ECPAS: variants seen among roughly 807,000 people sequenced by gnomAD.
ECPAS encodes Ecm29 proteasome adaptor and scaffold, also known as proteasome adapter and scaffold protein ECM29.
A neutral mutation model predicts 255.1 loss-of-function variants in ECPAS; 70 were observed. The observed-to-expected ratio is 0.27, with a 90% CI of 0.23 to 0.33. The LOEUF is 0.33. Ranked by LOEUF, ECPAS falls within the 10% of genes least tolerant of loss-of-function variation. The probability of loss-of-function intolerance (pLI) is 1.00; values close to 1 mark genes in which losing one functional copy is unlikely to be tolerated. For synonymous variants in ECPAS, 784 were observed against 775.0 expected (o/e 1.01, Z -0.19); for missense variants, 1,817 against 2,206.4 (o/e 0.82, Z 3.54).
chr9:111,480,292 CTTTTTTTTTT>C (rs398011866), intron 1 of ECPAS, among the ~76,000 whole-genome samples: 1 of 63,636 alleles, frequency 1.6e-5, no homozygotes, highest in Non-Finnish European at 2.8e-5. Flanking sequence ...AGCACCTTTT[CTTTTTTTTTT>C]TTTTTTTTTT....
At chr9:111,405,669 ATAAG>A (rs2098182943) in intron 24 of ECPAS, among the ~76,000 whole-genome samples, 1 of 150,010 alleles carries the variant, frequency 6.7e-6, no homozygotes, top group Non-Finnish European at 1.5e-5. Context: ...AAAATACACA[ATAAG>A]TAAGGAATTC....
At chr9:111,481,018 T>A (rs2098304100) in intron 1 of ECPAS, among the ~76,000 whole-genome samples, 1 of 152,210 alleles carries the variant, frequency 6.6e-6, no homozygotes, top group African/African-American at 2.4e-5. Context: ...GACTTTAATG[T>A]GTTTGGTTCT....
intron 49 of ECPAS, among the ~76,000 whole-genome samples, chr9:111,363,189 G>A (rs1162529976): frequency 7.0e-6 from 1 of 142,476 alleles, no homozygotes; most frequent in Non-Finnish European, 1.5e-5. Context: ...AATTGCTACT[G>A]TCAGATTTGA....
At chr9:111,362,250 CA>C in intron 49 of ECPAS, 81 bp from the exon 50 acceptor site, 1 of 1,242,592 alleles carries the variant, frequency 8.0e-7, no homozygotes, top group Non-Finnish European at 1.1e-6. Flanking sequence ...CCTTATAGAA[CA>C]AGCAAGAAAA....
intron 41 of ECPAS, 138 bp from the exon 42 acceptor site, chr9:111,372,758 G>T: frequency 1.3e-6 from 1 of 741,780 alleles, no homozygotes; most frequent in Non-Finnish European, 2.1e-6. Flanking sequence ...AGGCTGGGTT[G>T]TGGTGGCTTA....
At position 111,412,019 on chromosome 9, in the gene ECPAS, T is replaced by G. The variant is rs764961763; in HGVS notation, c.2209A>C (p.Asn737His). 1.9e-6 allele frequency: 3 copies of G among 1,552,208 alleles called. No homozygotes were observed. In the South Asian group the frequency reaches 3.7e-5, roughly 19 times the overall value. Residue 737 changes from asparagine (N) to histidine (H), a missense_variant, in exon 21 of 50, where the codon AAT (asparagine) becomes CAT (histidine). Asn to His is a moderately conservative substitution (Grantham distance 68). Transcript: ENST00000684092. ...IEQLIKTTKDNHSPEIQHGSL... is the reference protein window; with the variant it reads ...IEQLIKTTKDHHSPEIQHGSL... Reference sequence around the variant, plus strand: ...ATGAAAACAAAATAACATACGTGATTGTCTTTTGTAGTCTTTATAAGCTGT... The same window carrying G: ...ATGAAAACAAAATAACATACGTGATGGTCTTTTGTAGTCTTTATAAGCTGT...
chr9:111,390,090 GA>G lies in ECPAS; in HGVS notation c.3172del (p.Ser1058LeufsTer23). 6.3e-7 allele frequency: 1 copy of G among 1,580,028 alleles called. No individual in the cohort carries two copies. Among genetic ancestry groups the G allele is most frequent in the South Asian group, 1.1e-5 (1 of 87,850 alleles). The stretch of plus-strand genomic sequence containing the variant: ...CAGAGAACAAAGTTCCTTGTAAGTA[GA>G]AAGGCCCTGACTTGGAAACAAAGAA... ...LGKTPDGQGL[S>X]TYKELCSLAS... On this transcript the variant is annotated frameshift_variant, in exon 30 of 50. Coordinates refer to ENST00000684092, the MANE Select transcript of ECPAS (RefSeq NM_001364929.1). LOFTEE classifies it high-confidence loss of function.
chr9:111,375,322 C>T (rs769539094), intron 37 of ECPAS, 120 bp from the exon 38 acceptor site: 4 of 720,522 alleles, frequency 5.6e-6, no homozygotes, highest in Non-Finnish European at 9.9e-6. Flanking sequence ...GTTGAAAAAT[C>T]ACTGCTTGCT....
chr9:111,450,403 A>T (rs974084355), intron 3 of ECPAS, among the ~76,000 whole-genome samples: 19 of 152,190 alleles, frequency 1.2e-4, no homozygotes, highest in Non-Finnish European at 4.4e-5. Context: ...AAAGAGATAT[A>T]AACATAAAAG....
intron 1 of ECPAS, among the ~76,000 whole-genome samples, chr9:111,473,601 C>T (rs1000331076): frequency 6.6e-6 from 1 of 152,204 alleles, no homozygotes; most frequent in South Asian, 2.1e-4. Flanking sequence ...CACACTGTCT[C>T]CCTAGCTTCA....
Position 111,483,145 on chromosome 9 carries a change from G to A in ECPAS, c.-83+971C>T, listed in dbSNP as rs149451127. On this transcript the variant is annotated intron_variant, in intron 1 of 49. Coordinates refer to ENST00000684092, the MANE Select transcript of ECPAS (RefSeq NM_001364929.1). ...CCCGGGGCCAGGCGGGGTCAGACGG[G>A]ACGGGCGGACACTGCCCGTCACCCC... Among the ~76,000 whole-genome samples the A allele has an allele frequency of 4.5e-3, 683 of 152,248 alleles. 4 individuals carry two copies. Among genetic ancestry groups the A allele is most frequent in the Middle Eastern group, 0.017 (5 of 294 alleles).
chr9:111,373,477 A>G, intron 39 of ECPAS, 71 bp from the exon 40 acceptor site: 1 of 1,201,666 alleles, frequency 8.3e-7, no homozygotes, highest in South Asian at 1.3e-5. Context: ...CCAGAACCCA[A>G]ACAAACCTAA....
intron 33 of ECPAS, 70 bp downstream of exon 33, chr9:111,385,267 C>T (rs990567870): frequency 6.9e-5 from 56 of 811,270 alleles, no homozygotes; most frequent in Non-Finnish European, 1.0e-4. Flanking sequence ...TTGACATACA[C>T]AACATAAATA....
At position 111,394,280 on chromosome 9, in the gene ECPAS, T is replaced by G. The variant is rs781239642; in HGVS notation, c.2802A>C (p.Pro934=). The change falls in exon 26 of 50, where the codon CCA becomes CCC. Residue 934 remains proline, a synonymous_variant. Coordinates refer to ENST00000684092, the MANE Select transcript of ECPAS (RefSeq NM_001364929.1). ...PAGAKVNDVV[P]WVLDVILNKH... The stretch of plus-strand genomic sequence containing the variant: ...TATTTAAAATCACATCCAACACCCA[T>G]GGAACCACATCATTCACTTTGGCTC... 1.3e-6 allele frequency: 2 copies of G among 1,570,354 alleles called. No individual in the cohort carries two copies. Among genetic ancestry groups the G allele is most frequent in the Admixed American group, 3.7e-5 (2 of 53,976 alleles).
chr9:111,385,703 C>T (rs1039197237), intron 32 of ECPAS, among the ~76,000 whole-genome samples: 8 of 152,138 alleles, frequency 5.3e-5, no homozygotes, highest in African/African-American at 1.9e-4. Context: ...AGTGTGCCTC[C>T]AAGGCCTAGC....
chr9:111,372,329 G>C (rs552781177), intron 42 of ECPAS, 100 bp downstream of exon 42: 1 of 1,125,870 alleles, frequency 8.9e-7, no homozygotes, highest in Admixed American at 2.0e-5. Context: ...TTAAGGTCCT[G>C]GGAAAGTAAC....
intron 27 of ECPAS, among the ~76,000 whole-genome samples, chr9:111,393,391 A>C (rs777958682): frequency 4.6e-5 from 7 of 152,234 alleles, no homozygotes; most frequent in Non-Finnish European, 1.0e-4. Flanking sequence ...TAGGAGAGAT[A>C]CTAATGTTAA....
intron 6 of ECPAS, 28 bp from the exon 7 acceptor site, chr9:111,437,136 C>G: frequency 3.3e-6 from 5 of 1,538,022 alleles, no homozygotes; most frequent in Non-Finnish European, 4.4e-6. Flanking sequence ...CTTTAACCCT[C>G]TATAAATACA....
At chr9:111,375,747 C>T (rs902304127) in intron 37 of ECPAS, among the ~76,000 whole-genome samples, 1 of 152,090 alleles carries the variant, frequency 6.6e-6, no homozygotes, top group African/African-American at 2.4e-5. Context: ...TAAGACATAA[C>T]ATTCTTAGAC....
Sources: allele counts gnomAD v4.1 joint callset (sites outside exome capture counted in the v4.1 genomes callset), GRCh38; gene constraint gnomAD v4.1.1; transcripts MANE v1.5; gene names NCBI Gene and HGNC (gene_info 2026-07-23, HGNC 2026-07-21).